Variants in RHAG observed in about 807,000 individuals in gnomAD.
The protein encoded by RHAG is Rh associated glycoprotein.
A neutral mutation model predicts 42.4 loss-of-function variants in RHAG; 25 were observed. The observed-to-expected ratio is 0.59, with a 90% CI of 0.43 to 0.82. RHAG has a LOEUF of 0.82. RHAG is among the 40% of genes least tolerant of loss of function. The pLI, the probability that RHAG is intolerant of heterozygous loss-of-function variation, is 0.00. For synonymous variants in RHAG, 182 were observed against 177.7 expected (o/e 1.02, Z -0.19); for missense variants, 483 against 504.6 (o/e 0.96, Z 0.41).
At chr6:49,609,654 C>T (rs906303298) in intron 7 of RHAG, among the ~76,000 whole-genome samples, 26 of 152,166 alleles carry the variant, frequency 1.7e-4, no homozygotes, top group African/African-American at 5.6e-4. Flanking sequence ...CAACTGTACA[C>T]ATGAAGAAGG....
rs533030837 is a variant in RHAG at position 49,618,143 on chromosome 6, G to A, written c.417C>T (p.Thr139=). 6.2e-7 allele frequency: 1 copy of A among 1,614,048 alleles called. No homozygotes were observed. The highest frequency in any genetic ancestry group is 8.5e-7 in the Non-Finnish European group (1 of 1,179,938). Residue 139 remains threonine (T), a synonymous_variant, in exon 3 of 10, where the codon ACC becomes ACT. Coordinates refer to ENST00000371175, the MANE Select transcript of RHAG (RefSeq NM_000324.3). ...CTAAAATTGTCATGATCAGCATTTG[G>A]GTGGGGCTCGTTTTTCCCAGGACAG... ...FGAVLGKTSP[T]QMLIMTILEI...
At chr6:49,628,716 C>T (rs936544692) in intron 1 of RHAG, among the ~76,000 whole-genome samples, 1 of 150,408 alleles carries the variant, frequency 6.6e-6, no homozygotes, top group Non-Finnish European at 1.5e-5. Flanking sequence ...CAGACCTTCG[C>T]GGTGAGTGTT....
At chr6:49,630,531 A>G (rs1562020227) in intron 1 of RHAG, among the ~76,000 whole-genome samples, 2 of 152,182 alleles carry the variant, frequency 1.3e-5, no homozygotes, top group African/African-American at 4.8e-5. Flanking sequence ...ATGGGGTTGT[A>G]TTCTAAACTC....
At chr6:49,627,829 A>G (rs927592740) in intron 1 of RHAG, among the ~76,000 whole-genome samples, 4 of 152,084 alleles carry the variant, frequency 2.6e-5, no homozygotes, top group Admixed American at 2.0e-4. Context: ...CTATCACAAG[A>G]ACAGCACAGG....
intron 1 of RHAG, among the ~76,000 whole-genome samples, chr6:49,626,809 G>A (rs915267176): frequency 2.0e-5 from 3 of 152,258 alleles, no homozygotes; most frequent in Non-Finnish European, 4.4e-5. Context: ...GTAGGCAGAA[G>A]TTCCCAAACT....
intron 2 of RHAG, 104 bp downstream of exon 2, chr6:49,619,075 C>T: frequency 1.5e-6 from 2 of 1,304,242 alleles, no homozygotes; most frequent in South Asian, 2.5e-5. Context: ...GACCTGGTCA[C>T]CTCCCCAGTC....
At chr6:49,614,574 G>C in intron 5 of RHAG, 113 bp downstream of exon 5, 1 of 893,268 alleles carries the variant, frequency 1.1e-6, no homozygotes, top group Non-Finnish European at 1.9e-6. Context: ...TACAAGGTCT[G>C]CTTCTGATTT....
At chr6:49,607,105 T>C in intron 8 of RHAG, 45 bp downstream of exon 8, 3 of 1,499,250 alleles carry the variant, frequency 2.0e-6, no homozygotes, top group Non-Finnish European at 2.8e-6. Context: ...TTGTAAATAA[T>C]CTGAGAGCAT....
At chr6:49,606,028 A>T (rs1774157515) in intron 9 of RHAG, among the ~76,000 whole-genome samples, 198 bp from the exon 10 acceptor site, 2 of 152,160 alleles carry the variant, frequency 1.3e-5, no homozygotes, top group South Asian at 4.1e-4. Flanking sequence ...CGCTTTTCCA[A>T]ACTCATTCTC....
intron 4 of RHAG, 126 bp from the exon 5 acceptor site, chr6:49,614,979 C>A: frequency 4.5e-6 from 4 of 881,364 alleles, no homozygotes; most frequent in African/African-American, 1.7e-5. Context: ...ATGGAGTGTC[C>A]CTCTGTCACC....
In RHAG at chr6:49,611,705, C is replaced by T. The variant is rs373554375; in HGVS notation, c.946-560G>A. ...TTGAAAGGAATCATTTCACATTCTACTCCTTCTCACCTACTGATGACATCC... is the reference window on the plus strand; with the variant it reads ...TTGAAAGGAATCATTTCACATTCTATTCCTTCTCACCTACTGATGACATCC... On this transcript the variant is annotated intron_variant, in intron 6 of 9. Transcript: ENST00000371175. 1.1e-4 allele frequency among the ~76,000 whole-genome samples: 16 copies of T among 151,588 alleles called. No homozygotes were observed. The South Asian group carries it at 3.3e-3, about 32-fold the overall frequency.
intron 6 of RHAG, among the ~76,000 whole-genome samples, chr6:49,611,834 C>T (rs891331903): frequency 2.0e-5 from 3 of 151,762 alleles, no homozygotes; most frequent in South Asian, 4.2e-4. Context: ...CTCCACCTCC[C>T]GGGTTCAAGT....
chr6:49,613,946 T>C (rs1252795625), intron 5 of RHAG, among the ~76,000 whole-genome samples: 1 of 152,228 alleles, frequency 6.6e-6, no homozygotes, highest in Non-Finnish European at 1.5e-5. Flanking sequence ...TTAGTTGTTA[T>C]TTCTTTGAGA....
intron 1 of RHAG, among the ~76,000 whole-genome samples, chr6:49,622,505 G>A (rs368384658): frequency 1.4e-4 from 21 of 152,050 alleles, no homozygotes; most frequent in Middle Eastern, 3.2e-3. Flanking sequence ...CACCGCGCCT[G>A]GCAATCTGAT....
At chr6:49,624,167 T>G (rs1020391217) in intron 1 of RHAG, among the ~76,000 whole-genome samples, 2 of 152,208 alleles carry the variant, frequency 1.3e-5, no homozygotes, top group Non-Finnish European at 2.9e-5. Flanking sequence ...TGATAAGTTG[T>G]GTCTTTCACA....
At chr6:49,605,857 T>G (rs902902026) in intron 9 of RHAG, 27 bp from the exon 10 acceptor site, 5 of 1,592,016 alleles carry the variant, frequency 3.1e-6, no homozygotes, top group Admixed American at 3.3e-5. Flanking sequence ...TTGAGGGCAC[T>G]TAATAGTTTA....
intron 1 of RHAG, among the ~76,000 whole-genome samples, chr6:49,630,160 A>G (rs1454420759): frequency 6.6e-6 from 1 of 152,206 alleles, no homozygotes; most frequent in Non-Finnish European, 1.5e-5. Context: ...AATCTTCTAG[A>G]TACCTTTTAA....
chr6:49,614,701 C>T lies in RHAG; in HGVS notation c.793G>A (p.Gly265Ser). ...FAFSSLVEHRGKLNMVHIQNA... is the reference protein window; with the variant it reads ...FAFSSLVEHRSKLNMVHIQNA... The stretch of plus-strand genomic sequence containing the variant: ...GCGGCACTTACCATGTTGAGCTTGC[C>T]TCGGTGCTCCACTAGGCTGGAGAAG... The change falls in exon 5 of 10, where the codon GGC becomes AGC. Residue 265 changes from glycine to serine, a missense_variant. Gly to Ser is a moderately conservative substitution (Grantham distance 56). Transcript: ENST00000371175. The T allele has an allele frequency of 6.2e-7, 1 of 1,613,780 alleles. No homozygotes were observed. Among genetic ancestry groups the T allele is most frequent in the Non-Finnish European group, 8.5e-7 (1 of 1,180,012 alleles).
chr6:49,610,742 T>A (rs1329283492), intron 7 of RHAG, among the ~76,000 whole-genome samples: 1 of 152,216 alleles, frequency 6.6e-6, no homozygotes, highest in East Asian at 1.9e-4. Flanking sequence ...TTCTATAATC[T>A]GACTGTGATT....
Sources: gnomAD v4.1 joint callset for allele counts (sites outside exome capture counted in the v4.1 genomes callset) on GRCh38, gnomAD v4.1.1 for gene constraint, MANE v1.5 for transcripts, NCBI Gene and HGNC (gene_info 2026-07-23, HGNC 2026-07-21) for gene names.